The following PDE4D variants were observed in gnomAD, a reference collection of about 807,000 sequenced individuals.
The protein encoded by PDE4D is 3',5'-cyclic-AMP phosphodiesterase 4D.
PDE4D carries 24 observed loss-of-function variants against 87.4 expected under a neutral mutation model. The ratio of observed to expected loss-of-function variants is 0.27; its 90% CI spans 0.20 to 0.39. PDE4D has a LOEUF of 0.39. Ranked by LOEUF, PDE4D falls within the 10% of genes least tolerant of loss-of-function variation. PDE4D has a pLI of 1.00. For missense variants in PDE4D, 714 were observed against 1,041.0 expected (o/e 0.69, Z 4.32); for synonymous variants, 384 against 383.2 (o/e 1.00, Z -0.02).
chr5:60,110,339 G>C (rs148151454), intron 2 of PDE4D, among the ~76,000 whole-genome samples: 303 of 152,002 alleles, frequency 2.0e-3, no homozygotes, highest in African/African-American at 7.0e-3. Context: ...AAACAAATAA[G>C]GTGATTCAAA....
chr5:59,894,777 T>C (rs560938679), upstream of PDE4D, among the ~76,000 whole-genome samples: 3 of 152,366 alleles, frequency 2.0e-5, no homozygotes, highest in African/African-American at 7.2e-5. Context: ...ATTAGAGTCC[T>C]ATGAGGCACT....
chr5:59,471,885 G>A (rs907994197), intron 1 of PDE4D, among the ~76,000 whole-genome samples: 2 of 152,060 alleles, frequency 1.3e-5, no homozygotes, highest in East Asian at 3.9e-4. Context: ...GTGATTAAGA[G>A]AACTCATTTA....
chr5:59,570,360 G>C (rs1309293786), intron 1 of PDE4D, among the ~76,000 whole-genome samples: 2 of 152,044 alleles, frequency 1.3e-5, no homozygotes, highest in Non-Finnish European at 2.9e-5. Flanking sequence ...TAATAAATAA[G>C]GATGTCATAC....
chr5:59,732,888 T>C (rs1757571602), intron 1 of PDE4D, among the ~76,000 whole-genome samples: 1 of 101,084 alleles, frequency 9.9e-6, no homozygotes, highest in South Asian at 3.0e-4. Flanking sequence ...ATTGATGGTA[T>C]TTAATATTTA....
intron 1 of PDE4D, among the ~76,000 whole-genome samples, chr5:59,383,723 T>C (rs1223718330): frequency 6.6e-6 from 1 of 152,154 alleles, no homozygotes; most frequent in Admixed American, 6.6e-5. Flanking sequence ...AAACCAAATA[T>C]AAAAATATAA....
intron 2 of PDE4D, among the ~76,000 whole-genome samples, chr5:60,092,045 C>T (rs75717180): frequency 0.17 from 18,789 of 113,660 alleles, 1,436 homozygotes; most frequent in Middle Eastern, 0.32. Context: ...AGCGAAACTC[C>T]GTCTCAAAAA....
intron 1 of PDE4D, among the ~76,000 whole-genome samples, chr5:59,496,693 C>T (rs1279827569): frequency 6.6e-6 from 1 of 152,078 alleles, no homozygotes; most frequent in African/African-American, 2.4e-5. Context: ...AGGAGCACTG[C>T]GCTAGCCACT....
intron 1 of PDE4D, among the ~76,000 whole-genome samples, chr5:59,234,918 G>C (rs1756048400): frequency 6.6e-6 from 1 of 152,044 alleles, no homozygotes; most frequent in Non-Finnish European, 1.5e-5. Flanking sequence ...TAAATAAGCA[G>C]TGTAGGTATC....
chr5:60,498,789 G>A (rs1316328392), intron 1 of PDE4D, among the ~76,000 whole-genome samples: 1 of 152,098 alleles, frequency 6.6e-6, no homozygotes, highest in Non-Finnish European at 1.5e-5. Context: ...AGAAAACCAA[G>A]CCTGGCCAGG....
chr5:59,108,915 A>AAAAAAAG (rs1406939886), intron 5 of PDE4D, among the ~76,000 whole-genome samples: 20 of 151,304 alleles, frequency 1.3e-4, no homozygotes, highest in African/African-American at 3.9e-4. Context: ...TCAAAAAAAA[A>AAAAAAAG]AAAGAAAGAA....
intron 1 of PDE4D, among the ~76,000 whole-genome samples, chr5:59,752,354 A>G (rs188195653): frequency 6.6e-6 from 1 of 152,328 alleles, no homozygotes; most frequent in Admixed American, 6.5e-5. Context: ...TTTATGAAAC[A>G]TGTATGAATT....
At chr5:59,078,937 T>C (rs956844407) in intron 5 of PDE4D, among the ~76,000 whole-genome samples, 1 of 152,156 alleles carries the variant, frequency 6.6e-6, no homozygotes, top group South Asian at 2.1e-4. Context: ...CTTTCCTCTC[T>C]CTCTCCCAAT....
At chr5:59,190,302 G>A (rs1038044294) in intron 3 of PDE4D, among the ~76,000 whole-genome samples, 1 of 152,056 alleles carries the variant, frequency 6.6e-6, no homozygotes, top group South Asian at 2.1e-4. Flanking sequence ...AGTTATTTTG[G>A]GGTTTGGAAT....
intron 1 of PDE4D, among the ~76,000 whole-genome samples, chr5:59,343,483 T>C (rs1255989683): frequency 2.0e-5 from 3 of 152,166 alleles, no homozygotes; most frequent in African/African-American, 7.2e-5. Context: ...AGGGTCACTT[T>C]TGAAAGCTGA....
chr5:59,265,562 T>C (rs955001394), intron 1 of PDE4D, among the ~76,000 whole-genome samples: 3 of 152,200 alleles, frequency 2.0e-5, no homozygotes, highest in Non-Finnish European at 4.4e-5. Flanking sequence ...CAAAAATGCA[T>C]AATATAAGCT....
At chr5:60,322,053 G>C (rs778292188) in intron 1 of PDE4D, among the ~76,000 whole-genome samples, 2 of 151,426 alleles carry the variant, frequency 1.3e-5, no homozygotes, top group Non-Finnish European at 2.9e-5. Context: ...CCCATTATTG[G>C]GTTTATACCC....
In PDE4D at chr5:60,396,226, C is replaced by A. The variant is rs74988222; in HGVS notation, c.-90+91716G>T. Among the ~76,000 whole-genome samples, 7 of 152,270 alleles carry A rather than the reference C, an allele frequency of 4.6e-5. No homozygotes were observed. In the East Asian group the frequency reaches 1.2e-3, roughly 25 times the overall value. On this transcript the variant is annotated intron_variant, in intron 1 of 16. Transcript: ENST00000502484. The stretch of plus-strand genomic sequence containing the variant: ...GAGCAGATATGTTAAAATAGATGAT[C>A]CTGAGAGTTTATTATTAGACAACAT...
chr5:59,533,270 A>C (rs1296354592), intron 1 of PDE4D, among the ~76,000 whole-genome samples: 5 of 152,238 alleles, frequency 3.3e-5, no homozygotes, highest in Non-Finnish European at 1.5e-5. Flanking sequence ...TTTTATTGAA[A>C]ACATTTGTCA....
intron 1 of PDE4D, among the ~76,000 whole-genome samples, chr5:59,609,776 G>C (rs909809285): frequency 2.0e-5 from 3 of 152,108 alleles, no homozygotes; most frequent in Non-Finnish European, 2.9e-5. Flanking sequence ...AAAGGAATCT[G>C]GTATGAATAA....
Sources: allele counts gnomAD v4.1 joint callset (sites outside exome capture counted in the v4.1 genomes callset), GRCh38; gene constraint gnomAD v4.1.1; transcripts MANE v1.5; gene names NCBI Gene and HGNC (gene_info 2026-07-23, HGNC 2026-07-21).